STXBP4: variants seen among roughly 807,000 people sequenced by gnomAD.
STXBP4 encodes the protein syntaxin binding protein 4.
A neutral mutation model predicts 76.1 loss-of-function variants in STXBP4; 55 were observed. The observed-to-expected ratio is 0.72, with a 90% CI of 0.58 to 0.91. The LOEUF (loss-of-function observed/expected upper bound fraction) is 0.91. Ranked by LOEUF, STXBP4 falls within the 40% of genes least tolerant of loss-of-function variation. STXBP4 has a pLI of 0.00. For missense variants in STXBP4, 618 were observed against 636.9 expected, an observed-to-expected ratio of 0.97 and a Z score of 0.32; for synonymous variants, 201 against 220.2, an observed-to-expected ratio of 0.91 and a Z score of 0.77.
At chr17:55,120,152 T>C (rs1031234490) in intron 16 of STXBP4, among the ~76,000 whole-genome samples, 6 of 152,340 alleles carry the variant, frequency 3.9e-5, no homozygotes, top group African/African-American at 1.4e-4. Context: ...CCCAAGATGC[T>C]TAGAGGACAT....
intron 12 of STXBP4, among the ~76,000 whole-genome samples, chr17:55,062,799 C>G (rs147509692): frequency 6.6e-6 from 1 of 152,058 alleles, no homozygotes; most frequent in Admixed American, 6.5e-5. Flanking sequence ...TTCTAACTGG[C>G]GTGAGATGCT....
At position 54,997,734 on chromosome 17, in the gene STXBP4, A is replaced by G. The variant is rs138027620; in HGVS notation, c.181-1611A>G. 9.2e-3 allele frequency among the ~76,000 whole-genome samples: 1,344 copies of G among 146,262 alleles called. 13 individuals carry two copies. The highest frequency in any genetic ancestry group is 0.017 in the South Asian group (79 of 4,672). On this transcript the variant is annotated intron_variant, in intron 4 of 17. Transcript: ENST00000376352. ...TTTAGCCTCCTGAGTAACTGAGACTACAGACATGTGCCAGCTATTTTTTTT... is the reference window on the plus strand; with the variant it reads ...TTTAGCCTCCTGAGTAACTGAGACTGCAGACATGTGCCAGCTATTTTTTTT...
At chr17:55,116,321 A>T (rs1246585668) in intron 16 of STXBP4, among the ~76,000 whole-genome samples, 1 of 151,808 alleles carries the variant, frequency 6.6e-6, no homozygotes, top group East Asian at 1.9e-4. Context: ...ATCACAACAC[A>T]TAGATATATA....
At chr17:55,149,979 T>C (rs1462537125) in intron 17 of STXBP4, among the ~76,000 whole-genome samples, 2 of 152,186 alleles carry the variant, frequency 1.3e-5, no homozygotes, top group Non-Finnish European at 2.9e-5. Context: ...AGGCATGTTT[T>C]TTCACATTTC....
intron 9 of STXBP4, among the ~76,000 whole-genome samples, chr17:55,032,856 C>T (rs534860213): frequency 2.6e-5 from 4 of 152,176 alleles, no homozygotes; most frequent in Admixed American, 2.6e-4. Flanking sequence ...TGTCAGCTGG[C>T]CACCAGATTG....
chr17:55,012,146 G>A (rs1163210070), intron 8 of STXBP4, among the ~76,000 whole-genome samples: 1 of 152,206 alleles, frequency 6.6e-6, no homozygotes, highest in Non-Finnish European at 1.5e-5. Context: ...GAAATGTATA[G>A]CCTGCAGTGC....
At chr17:55,154,501 C>T (rs1260227460) in intron 17 of STXBP4, among the ~76,000 whole-genome samples, 1 of 152,164 alleles carries the variant, frequency 6.6e-6, no homozygotes, top group African/African-American at 2.4e-5. Flanking sequence ...GTATAGGTAT[C>T]AGTGTCAGTA....
chr17:55,110,919 C>T (rs244364), intron 16 of STXBP4, among the ~76,000 whole-genome samples: 97,278 of 152,056 alleles, frequency 0.64, 31,984 homozygotes, highest in African/African-American at 0.79. Context: ...AGTAAAGAGC[C>T]AGTGATGGAC....
chr17:55,090,361 A>G (rs1355265769), intron 16 of STXBP4, among the ~76,000 whole-genome samples: 1 of 152,050 alleles, frequency 6.6e-6, no homozygotes, highest in Non-Finnish European at 1.5e-5. Flanking sequence ...TTCAGCACCA[A>G]AAGCCACATC....
intron 13 of STXBP4, among the ~76,000 whole-genome samples, chr17:55,073,920 C>G (rs975339418): frequency 6.6e-6 from 1 of 152,094 alleles, no homozygotes; most frequent in African/African-American, 2.4e-5. Flanking sequence ...TGAGCCACCA[C>G]GCCTGGACAG....
Position 55,121,781 on chromosome 17 carries a change from TCTG to T in STXBP4, c.1490-19526_1490-19524del, listed in dbSNP as rs2079846241. Reference sequence around the variant, plus strand: ...ATAAAGTAAAGTCTGCTTAGAAACTTCTGCTTGGGGAAACTTTTAATTAATGGA... The same window carrying T: ...ATAAAGTAAAGTCTGCTTAGAAACTTCTTGGGGAAACTTTTAATTAATGGA... On this transcript the variant is annotated intron_variant, in intron 16 of 17. Coordinates refer to ENST00000376352, the MANE Select transcript of STXBP4 (RefSeq NM_178509.6). Among the ~76,000 whole-genome samples, 4 of 152,046 alleles carry T rather than the reference TCTG, an allele frequency of 2.6e-5. No individual in the cohort carries two copies. The South Asian group carries it at 6.2e-4, about 24-fold the overall frequency.
At chr17:55,148,204 CAGTT>C (rs1418488679) in intron 17 of STXBP4, among the ~76,000 whole-genome samples, 1 of 152,114 alleles carries the variant, frequency 6.6e-6, no homozygotes, top group Non-Finnish European at 1.5e-5. Flanking sequence ...TTAAGACAGC[CAGTT>C]AGTTTGTTTG....
intron 17 of STXBP4, among the ~76,000 whole-genome samples, chr17:55,156,341 C>G (rs150470642): frequency 6.6e-6 from 1 of 152,102 alleles, no homozygotes; most frequent in Non-Finnish European, 1.5e-5. Context: ...GTTCTCCAAG[C>G]CAGTAAATCT....
At chr17:55,199,510 A>G in the STXBP4 span, among the ~76,000 whole-genome samples, 2 of 152,206 alleles carry the variant, frequency 1.3e-5, no homozygotes, top group African/African-American at 4.8e-5. Flanking sequence ...TTTGCCATCC[A>G]CTACAAATGG....
intron 16 of STXBP4, among the ~76,000 whole-genome samples, chr17:55,093,536 A>G (rs2079444998): frequency 6.6e-6 from 1 of 152,168 alleles, no homozygotes; most frequent in Middle Eastern, 3.4e-3. Context: ...CACAACAAAT[A>G]TTTGTGGCAT....
At chr17:55,012,411 T>G (rs1175489177) in intron 8 of STXBP4, among the ~76,000 whole-genome samples, 1 of 152,148 alleles carries the variant, frequency 6.6e-6, no homozygotes, top group African/African-American at 2.4e-5. Flanking sequence ...TCTTTTTGCT[T>G]CAATATCTGC....
chr17:55,063,703 A>C (rs2079018990), intron 12 of STXBP4, among the ~76,000 whole-genome samples: 1 of 152,186 alleles, frequency 6.6e-6, no homozygotes, highest in Non-Finnish European at 1.5e-5. Context: ...ACTTTCTAGA[A>C]AGCATTTCAT....
chr17:55,146,712 G>A (rs980628555), intron 17 of STXBP4, among the ~76,000 whole-genome samples: 6 of 140,852 alleles, frequency 4.3e-5, no homozygotes, highest in East Asian at 4.1e-4. Context: ...GCGAGACTCC[G>A]TCTCAAAAAA....
chr17:55,157,620 A>G (rs1211991312), intron 17 of STXBP4, among the ~76,000 whole-genome samples: 1 of 152,206 alleles, frequency 6.6e-6, no homozygotes, highest in East Asian at 1.9e-4. Context: ...CTTGATTCTT[A>G]AAGAACTTGA....
Sources: gnomAD v4.1 joint callset for allele counts (sites outside exome capture counted in the v4.1 genomes callset) on GRCh38, gnomAD v4.1.1 for gene constraint, MANE v1.5 for transcripts, NCBI Gene and HGNC (gene_info 2026-07-23, HGNC 2026-07-21) for gene names.